The following NTNG1 variants were observed in gnomAD, a reference collection of about 807,000 sequenced individuals.
NTNG1 encodes the protein netrin G1, also known as netrin-G1.
In NTNG1, 16 loss-of-function variants were observed where a neutral mutation model predicts 54.0. The ratio of observed to expected loss-of-function variants is 0.30; its 90% CI spans 0.20 to 0.45. The LOEUF is 0.45. Among genes scored for constraint, NTNG1 ranks in the 20% least tolerant of loss-of-function variants. The pLI is 1.00. For missense variants in NTNG1, 530 were observed against 678.7 expected (o/e 0.78, Z 2.43); for synonymous variants, 255 against 263.1 (o/e 0.97, Z 0.30).
intron 3 of NTNG1, among the ~76,000 whole-genome samples, chr1:107,335,632 G>T (rs1249971804): frequency 1.3e-5 from 2 of 151,884 alleles, no homozygotes; most frequent in Non-Finnish European, 2.9e-5. Context: ...TGGTGGAATT[G>T]TGAGTAATTT....
chr1:107,448,992 A>T (rs1225484177), intron 7 of NTNG1, among the ~76,000 whole-genome samples: 8 of 152,154 alleles, frequency 5.3e-5, no homozygotes, highest in Non-Finnish European at 1.2e-4. Context: ...GGGCACATGA[A>T]AGAGAACATA....
chr1:107,451,009 A>G (rs1676586699), intron 7 of NTNG1, among the ~76,000 whole-genome samples: 1 of 151,836 alleles, frequency 6.6e-6, no homozygotes, highest in Non-Finnish European at 1.5e-5. Context: ...ATACTTAACT[A>G]TTATCAGCTT....
At chr1:107,478,574 A>G (rs377194936) in intron 7 of NTNG1, among the ~76,000 whole-genome samples, 4 of 152,200 alleles carry the variant, frequency 2.6e-5, no homozygotes, top group East Asian at 3.8e-4. Context: ...GTAATTAACT[A>G]TTGATTTCTT....
At chr1:107,284,089 CTT>C (rs1330440464) in intron 2 of NTNG1, among the ~76,000 whole-genome samples, 1 of 152,044 alleles carries the variant, frequency 6.6e-6, no homozygotes, top group Non-Finnish European at 1.5e-5. Context: ...TACTTATCTC[CTT>C]TTTTGAGTAT....
intron 2 of NTNG1, among the ~76,000 whole-genome samples, chr1:107,184,121 C>T (rs575644021): frequency 3.3e-5 from 5 of 152,262 alleles, no homozygotes; most frequent in African/African-American, 1.2e-4. Context: ...CAAAATCTCA[C>T]CTCATGACTT....
At chr1:107,306,729 A>C (rs2101822269) in intron 2 of NTNG1, among the ~76,000 whole-genome samples, 1 of 151,806 alleles carries the variant, frequency 6.6e-6, no homozygotes, top group Non-Finnish European at 1.5e-5. Context: ...CCAGCCTGGG[A>C]GACAGAACAA....
At chr1:107,465,905 G>A (rs904710806) in intron 7 of NTNG1, among the ~76,000 whole-genome samples, 1 of 152,090 alleles carries the variant, frequency 6.6e-6, no homozygotes, top group African/African-American at 2.4e-5. Flanking sequence ...AAATGTTTCT[G>A]GCCTTTTAAT....
chr1:107,387,458 G>A (rs185238678), intron 3 of NTNG1, among the ~76,000 whole-genome samples: 91 of 152,280 alleles, frequency 6.0e-4, no homozygotes, highest in African/African-American at 1.9e-3. Flanking sequence ...TCTTGTTAAC[G>A]TTGCAGATTC....
At chr1:107,385,894 C>A (rs554380119) in intron 3 of NTNG1, among the ~76,000 whole-genome samples, 1 of 150,264 alleles carries the variant, frequency 6.7e-6, no homozygotes, top group South Asian at 2.1e-4. Context: ...TGTTGTGCAA[C>A]CATCACCACT....
chr1:107,278,342 A>G (rs1201900693), intron 2 of NTNG1, among the ~76,000 whole-genome samples: 2 of 152,190 alleles, frequency 1.3e-5, no homozygotes, highest in African/African-American at 4.8e-5. Flanking sequence ...TCTACTAGGT[A>G]CTCTCTTACA....
chr1:107,433,821 G>T (rs1675431164), intron 6 of NTNG1, among the ~76,000 whole-genome samples: 1 of 152,190 alleles, frequency 6.6e-6, no homozygotes, highest in East Asian at 1.9e-4. Context: ...TGTGCACTAG[G>T]CTGGAGTTTG....
In NTNG1 at chr1:107,436,811, T is replaced by C; in HGVS notation, c.1390+12T>C. The C allele has an allele frequency of 6.2e-7, 1 of 1,612,858 alleles. No homozygotes were observed. The highest frequency in any genetic ancestry group is 1.1e-5 in the South Asian group (1 of 90,960). ...CTACGGCTGTCAACGTAAGTAACTC[T>C]GGGAGCTGCCCTCTGCCTGCTGCAG... On this transcript the variant is annotated intron_variant, in intron 7 of 7. Transcript: ENST00000370068.
chr1:107,259,117 G>A (rs1017812691), intron 2 of NTNG1, among the ~76,000 whole-genome samples: 1 of 152,060 alleles, frequency 6.6e-6, no homozygotes, highest in African/African-American at 2.4e-5. Flanking sequence ...TGTAAAAATG[G>A]TTGGGTTTAA....
intron 2 of NTNG1, among the ~76,000 whole-genome samples, chr1:107,291,936 CTCTT>C (rs1174681279): frequency 6.6e-6 from 1 of 151,936 alleles, no homozygotes; most frequent in African/African-American, 2.4e-5. Context: ...AATAAAAGAA[CTCTT>C]TCAAATTAAC....
rs553512905 is a variant in NTNG1, at chr1:107,369,401, C to T, written c.888-25753C>T. ...AGTTCCAGTTCCTCCACATCCTTCACCAAATTTGGTGAGGGTCAGTCTTTT... is the reference window on the plus strand; with the variant it reads ...AGTTCCAGTTCCTCCACATCCTTCATCAAATTTGGTGAGGGTCAGTCTTTT... On this transcript the variant is annotated intron_variant, in intron 3 of 7. Transcript: ENST00000370068. Among the ~76,000 whole-genome samples, 16 of 152,260 alleles carry T rather than the reference C, an allele frequency of 1.1e-4. No individual in the cohort carries two copies. In the South Asian group the frequency reaches 3.3e-3, roughly 32 times the overall value.
chr1:107,441,201 C>T (rs546456074), intron 7 of NTNG1, among the ~76,000 whole-genome samples: 67 of 150,860 alleles, frequency 4.4e-4, no homozygotes, highest in African/African-American at 1.4e-3. Context: ...TTGTTATCAG[C>T]GCCAAAGTAA....
At chr1:107,305,332 A>C (rs548189836) in intron 2 of NTNG1, among the ~76,000 whole-genome samples, 1 of 152,134 alleles carries the variant, frequency 6.6e-6, no homozygotes, top group Non-Finnish European at 1.5e-5. Flanking sequence ...ACAATGGTTG[A>C]ACTAATTTAC....
intron 7 of NTNG1, among the ~76,000 whole-genome samples, chr1:107,449,984 A>C (rs1187835285): frequency 2.0e-5 from 3 of 152,110 alleles, no homozygotes; most frequent in Admixed American, 2.0e-4. Flanking sequence ...AGACAGGTAG[A>C]AAGCAAGTAG....
chr1:107,216,730 T>C (rs925528087), intron 2 of NTNG1, among the ~76,000 whole-genome samples: 2 of 151,726 alleles, frequency 1.3e-5, no homozygotes, highest in Non-Finnish European at 2.9e-5. Flanking sequence ...CCAGCTGGAA[T>C]GTAGTGGCAT....
Sources: gnomAD v4.1 joint callset for allele counts (sites outside exome capture counted in the v4.1 genomes callset) on GRCh38, gnomAD v4.1.1 for gene constraint, MANE v1.5 for transcripts, NCBI Gene and HGNC (gene_info 2026-07-23, HGNC 2026-07-21) for gene names.